Variants in SLC35F1 observed in about 807,000 individuals in gnomAD.
SLC35F1 encodes the protein chromosome 6 open reading frame 169.
SLC35F1 carries 14 observed loss-of-function variants against 48.7 expected under a neutral mutation model. That is an observed-to-expected ratio of 0.29 (90% CI 0.19 to 0.45). The LOEUF (loss-of-function observed/expected upper bound fraction) is 0.45. Among genes scored for constraint, SLC35F1 ranks in the 20% least tolerant of loss-of-function variants. The pLI, the probability that SLC35F1 is intolerant of heterozygous loss-of-function variation, is 1.00. For missense variants in SLC35F1, 404 were observed against 500.0 expected, an observed-to-expected ratio of 0.81 and a Z score of 1.83; for synonymous variants, 190 against 202.2, an observed-to-expected ratio of 0.94 and a Z score of 0.51.
intron 2 of SLC35F1, among the ~76,000 whole-genome samples, chr6:118,219,421 C>A (rs1052145636): frequency 1.3e-5 from 2 of 152,010 alleles, no homozygotes; most frequent in Non-Finnish European, 2.9e-5. Context: ...CAGAAAGGGG[C>A]CATAAGAGAA....
At chr6:118,075,272 G>A (rs1582652062) in intron 1 of SLC35F1, among the ~76,000 whole-genome samples, 1 of 152,178 alleles carries the variant, frequency 6.6e-6, no homozygotes, top group Non-Finnish European at 1.5e-5. Flanking sequence ...AGTTTCTTCA[G>A]TAATTTTTAT....
intron 1 of SLC35F1, among the ~76,000 whole-genome samples, chr6:118,129,222 AG>A (rs1359416803): frequency 6.6e-6 from 1 of 152,178 alleles, no homozygotes; most frequent in Non-Finnish European, 1.5e-5. Flanking sequence ...TGAAAGCAAT[AG>A]CGATAGTAGA....
At chr6:117,991,313 T>C (rs908876512) in intron 1 of SLC35F1, among the ~76,000 whole-genome samples, 91 of 152,248 alleles carry the variant, frequency 6.0e-4, no homozygotes, top group African/African-American at 2.0e-3. Flanking sequence ...CTGCCTCTGC[T>C]CTGCTGGTGC....
intron 1 of SLC35F1, among the ~76,000 whole-genome samples, chr6:117,987,990 T>C (rs1776869167): frequency 6.6e-6 from 1 of 152,086 alleles, no homozygotes; most frequent in Non-Finnish European, 1.5e-5. Context: ...GGGCCATTCA[T>C]AAAGGGATGA....
chr6:118,055,652 T>TGA (rs1475760068), intron 1 of SLC35F1, among the ~76,000 whole-genome samples: 3 of 152,110 alleles, frequency 2.0e-5, no homozygotes, highest in Non-Finnish European at 4.4e-5. Flanking sequence ...GTTAACCAGA[T>TGA]GAGAGCCCCA....
intron 1 of SLC35F1, among the ~76,000 whole-genome samples, chr6:118,007,837 A>G (rs533991502): frequency 2.4e-4 from 37 of 152,002 alleles, no homozygotes; most frequent in Non-Finnish European, 4.6e-4. Flanking sequence ...TTTTAGGTTG[A>G]GCTGCAGTTC....
intron 4 of SLC35F1, among the ~76,000 whole-genome samples, chr6:118,275,230 A>C (rs906451611): frequency 3.3e-5 from 5 of 152,154 alleles, no homozygotes; most frequent in African/African-American, 1.2e-4. Flanking sequence ...GAAGAGACTG[A>C]TCTCTTTCTT....
intron 1 of SLC35F1, among the ~76,000 whole-genome samples, chr6:117,967,239 A>G (rs906766082): frequency 6.6e-5 from 10 of 152,228 alleles, no homozygotes; most frequent in African/African-American, 2.4e-4. Flanking sequence ...ACTACAAAGC[A>G]TGGGAAACAA....
chr6:117,934,566 T>A (rs1193579841), intron 1 of SLC35F1, among the ~76,000 whole-genome samples: 1 of 152,216 alleles, frequency 6.6e-6, no homozygotes, highest in Non-Finnish European at 1.5e-5. Context: ...AAAAACAAAG[T>A]TGCTTTGGCT....
At chr6:118,136,922 G>C (rs927645348) in intron 1 of SLC35F1, among the ~76,000 whole-genome samples, 1 of 152,028 alleles carries the variant, frequency 6.6e-6, no homozygotes, top group African/African-American at 2.4e-5. Context: ...CACCTTCCTG[G>C]GATTAGCTAT....
At chr6:118,042,610 T>G (rs1772241278) in intron 1 of SLC35F1, among the ~76,000 whole-genome samples, 1 of 152,128 alleles carries the variant, frequency 6.6e-6, no homozygotes, top group Non-Finnish European at 1.5e-5. Flanking sequence ...TTGGACTTGA[T>G]AGGTTAGAGG....
intron 1 of SLC35F1, among the ~76,000 whole-genome samples, chr6:118,115,453 T>C (rs1773464848): frequency 6.6e-6 from 1 of 152,182 alleles, no homozygotes; most frequent in African/African-American, 2.4e-5. Context: ...TATCCTAGAA[T>C]AAAAATATGT....
At chr6:118,222,017 G>A (rs1373054364) in intron 2 of SLC35F1, among the ~76,000 whole-genome samples, 1 of 152,044 alleles carries the variant, frequency 6.6e-6, no homozygotes, top group Non-Finnish European at 1.5e-5. Context: ...CACATTACAG[G>A]TGGTTGATGT....
chr6:118,145,599 T>C (rs1356876415), intron 1 of SLC35F1, among the ~76,000 whole-genome samples: 4 of 152,216 alleles, frequency 2.6e-5, no homozygotes, highest in Admixed American at 2.0e-4. Context: ...AAGTATTAAC[T>C]AAAATTTGTA....
chr6:118,234,401 T>C (rs1412207801), intron 2 of SLC35F1, among the ~76,000 whole-genome samples: 1 of 152,218 alleles, frequency 6.6e-6, no homozygotes, highest in East Asian at 1.9e-4. Flanking sequence ...ACAAAACAAA[T>C]GCCATGTTTT....
intron 1 of SLC35F1, among the ~76,000 whole-genome samples, chr6:118,005,643 C>T (rs768445980): frequency 6.6e-6 from 1 of 152,166 alleles, no homozygotes; most frequent in Non-Finnish European, 1.5e-5. Context: ...CTACTTAAAC[C>T]ACTTTAGCAT....
At chr6:118,206,787 C>A (rs1175584627) in intron 2 of SLC35F1, among the ~76,000 whole-genome samples, 1 of 152,098 alleles carries the variant, frequency 6.6e-6, no homozygotes, top group African/African-American at 2.4e-5. Context: ...AACCAAGAGA[C>A]AAATTGAACT....
At chr6:117,932,236 GA>G (rs1776111043) in intron 1 of SLC35F1, among the ~76,000 whole-genome samples, 1 of 152,128 alleles carries the variant, frequency 6.6e-6, no homozygotes. Flanking sequence ...CCAGCTTCCA[GA>G]ACTGTGAGAA....
rs182743493 is a variant in SLC35F1, at chr6:117,973,164, G to A, written c.173+65265G>A. On this transcript the variant is annotated intron_variant, in intron 1 of 7. Coordinates refer to ENST00000360388, the MANE Select transcript of SLC35F1 (RefSeq NM_001029858.4). ...AAGCCTCTCTCCTTGGCTTGCAGAT[G>A]GCCACCTTCTTGCTGTGCTTTCACA... Among the ~76,000 whole-genome samples the A allele has an allele frequency of 6.6e-5, 10 of 152,260 alleles. No individual in the cohort carries two copies. In the East Asian group the frequency reaches 1.9e-3, roughly 29 times the overall value.
Sources: gnomAD v4.1 joint callset for allele counts (sites outside exome capture counted in the v4.1 genomes callset) on GRCh38, gnomAD v4.1.1 for gene constraint, MANE v1.5 for transcripts, NCBI Gene and HGNC (gene_info 2026-07-23, HGNC 2026-07-21) for gene names.